Variants in CFAP100 observed in about 807,000 individuals in gnomAD.
CFAP100 encodes the protein cilia- and flagella-associated protein 100.
Under a neutral mutation model 81.5 loss-of-function variants are expected in CFAP100, and 70 were observed. The ratio of observed to expected loss-of-function variants is 0.86; its 90% CI spans 0.71 to 1.05. The LOEUF (loss-of-function observed/expected upper bound fraction) is 1.05. CFAP100 is among the 50% of genes least tolerant of loss of function. The probability of loss-of-function intolerance (pLI) is 0.00; values close to 1 mark genes in which losing one functional copy is unlikely to be tolerated. For synonymous variants in CFAP100, 341 were observed against 314.8 expected (o/e 1.08, Z -0.88); for missense variants, 811 against 776.5 (o/e 1.04, Z -0.53).
At chr3:126,409,079 G>A (rs1260678838) in intron 3 of CFAP100, among the ~76,000 whole-genome samples, 2 of 152,174 alleles carry the variant, frequency 1.3e-5, no homozygotes, top group Non-Finnish European at 2.9e-5. Flanking sequence ...GTGAGCCACT[G>A]CACCTGGCCC....
In CFAP100 at chr3:126,423,533, A is replaced by G; in HGVS notation, c.1175A>G (p.Asp392Gly). 1 of 1,614,146 alleles carries G rather than the reference A, an allele frequency of 6.2e-7. No individual in the cohort carries two copies. Among genetic ancestry groups the G allele is most frequent in the South Asian group, 1.1e-5 (1 of 91,082 alleles). The change falls in exon 13 of 17, where the codon GAT (aspartate) becomes GGT (glycine). Residue 392 changes from aspartate to glycine, a missense_variant. By Grantham distance (94) the Asp-to-Gly change is moderately conservative. Transcript: ENST00000352312. ...LYFTEPQQLL[D>G]VFRELEEQNL... ...TTCACGGAGCCCCAGCAGCTCCTGGATGTCTTCCGAGAGCTGGAGGAGCAG... is the reference window on the plus strand; with the variant it reads ...TTCACGGAGCCCCAGCAGCTCCTGGGTGTCTTCCGAGAGCTGGAGGAGCAG...
At chr3:126,419,919 T>C in intron 9 of CFAP100, 61 bp from the exon 10 acceptor site, 2 of 1,612,328 alleles carry the variant, frequency 1.2e-6, no homozygotes, top group Non-Finnish European at 1.7e-6. Context: ...CTGGGCCACA[T>C]GGCGTTGCTG....
At chr3:126,402,016 C>T (rs1013038433) in intron 2 of CFAP100, among the ~76,000 whole-genome samples, 2 of 152,216 alleles carry the variant, frequency 1.3e-5, no homozygotes, top group Non-Finnish European at 2.9e-5. Flanking sequence ...ATATCTCTCA[C>T]TTCTCTTTAT....
At chr3:126,431,172 G>C (rs1405017801) in intron 13 of CFAP100, among the ~76,000 whole-genome samples, 1 of 152,202 alleles carries the variant, frequency 6.6e-6, no homozygotes, top group Admixed American at 6.5e-5. Context: ...GGTGGGGCCT[G>C]CTGTGGTGGG....
intron 2 of CFAP100, among the ~76,000 whole-genome samples, chr3:126,406,020 T>G (rs913992350): frequency 2.0e-5 from 3 of 152,196 alleles, no homozygotes; most frequent in African/African-American, 7.2e-5. Context: ...ATCTTCTGAT[T>G]TATATGATAT....
intron 13 of CFAP100, among the ~76,000 whole-genome samples, chr3:126,431,662 T>C (rs1319824318): frequency 6.6e-6 from 1 of 152,222 alleles, no homozygotes; most frequent in East Asian, 1.9e-4. Context: ...ATCTTGCTGA[T>C]GCTATTCCTC....
chr3:126,421,835 C>T (rs778666695), intron 11 of CFAP100, among the ~76,000 whole-genome samples: 8 of 152,266 alleles, frequency 5.3e-5, no homozygotes, highest in Non-Finnish European at 1.0e-4. Context: ...TGCTGCGCCA[C>T]GCACAGGCTG....
At position 126,436,381 on chromosome 3, in the gene CFAP100, G is replaced by C. The variant is rs958701340; in HGVS notation, c.1813G>C (p.Glu605Gln). ...CACACTGATGGACAAGGAGGAGGAG[G>C]AGCTGCTATTTTTCTTTACTTAATC... ...EHTLMDKEEE[E>Q]LLFFFT The change falls in exon 17 of 17, where the codon GAG becomes CAG. Residue 605 changes from glutamate to glutamine, a missense_variant. Transcript: ENST00000352312. 13 of 1,613,886 alleles carry C rather than the reference G, an allele frequency of 8.1e-6. No homozygotes were observed. The Middle Eastern group carries it at 5.0e-4, about 61-fold the overall frequency.
chr3:126,434,735 G>A (rs552038456), intron 15 of CFAP100, among the ~76,000 whole-genome samples: 3 of 152,268 alleles, frequency 2.0e-5, no homozygotes, highest in South Asian at 2.1e-4. Context: ...GGGCAAACAC[G>A]GCCAGGTAGG....
Position 126,420,084 on chromosome 3 carries a change from A to C in CFAP100, c.956-19A>C, listed in dbSNP as rs1199420126. ...CTGCCCTGCACAGGGCTCGGAAACTATTCCTCTGCTTTCTCCAGAGGGTCA... is the reference window on the plus strand; with the variant it reads ...CTGCCCTGCACAGGGCTCGGAAACTCTTCCTCTGCTTTCTCCAGAGGGTCA... On this transcript the variant is annotated intron_variant, in intron 10 of 16. Transcript: ENST00000352312. 1.2e-6 allele frequency: 2 copies of C among 1,613,204 alleles called. No individual in the cohort carries two copies. Among genetic ancestry groups the C allele is most frequent in the Admixed American group, 1.7e-5 (1 of 60,006 alleles).
At chr3:126,396,154 G>A (rs2082885093) in intron 2 of CFAP100, 105 bp downstream of exon 2, 4 of 867,784 alleles carry the variant, frequency 4.6e-6, no homozygotes, top group Non-Finnish European at 7.8e-6. Flanking sequence ...CACTAGGCAG[G>A]AGTCATAGAT....
chr3:126,396,818 A>G (rs2082896936), intron 2 of CFAP100: 1 of 152,252 alleles, frequency 6.6e-6, no homozygotes, highest in African/African-American at 2.4e-5. Flanking sequence ...ACACAGGGCG[A>G]CGCTGAGGGA....
intron 4 of CFAP100, among the ~76,000 whole-genome samples, chr3:126,415,199 C>T (rs1389634871): frequency 1.3e-5 from 2 of 152,102 alleles, no homozygotes; most frequent in African/African-American, 2.4e-5. Context: ...CTCTCCACCA[C>T]ACCCAACAGG....
chr3:126,416,247 A>G, intron 4 of CFAP100, 69 bp from the exon 5 acceptor site: 1 of 1,083,242 alleles, frequency 9.2e-7, no homozygotes, highest in Non-Finnish European at 1.3e-6. Flanking sequence ...AGGAATGGGG[A>G]ACCGCGCGGG....
chr3:126,423,411 T>G (rs1473374683), intron 12 of CFAP100, 35 bp downstream of exon 12: 1 of 1,609,176 alleles, frequency 6.2e-7, no homozygotes, highest in East Asian at 2.2e-5. Flanking sequence ...AATTCGGAAG[T>G]CGCCCCTCTC....
At chr3:126,398,724 G>C (rs1485674365) in intron 2 of CFAP100, among the ~76,000 whole-genome samples, 1 of 152,218 alleles carries the variant, frequency 6.6e-6, no homozygotes, top group Non-Finnish European at 1.5e-5. Flanking sequence ...CCGAAGCCTG[G>C]CCTGGTGGCC....
intron 2 of CFAP100, among the ~76,000 whole-genome samples, chr3:126,406,554 T>C (rs2083066976): frequency 6.6e-6 from 1 of 152,200 alleles, no homozygotes; most frequent in South Asian, 2.1e-4. Flanking sequence ...CAGCAAGGCA[T>C]TGGAGACCCA....
chr3:126,400,420 T>C (rs1405390489), intron 2 of CFAP100, among the ~76,000 whole-genome samples: 1 of 152,014 alleles, frequency 6.6e-6, no homozygotes, highest in East Asian at 1.9e-4. Flanking sequence ...CCCTTTTACA[T>C]TGTTGGTGAA....
chr3:126,406,682 C>G (rs1199964700), intron 2 of CFAP100, among the ~76,000 whole-genome samples: 1 of 152,158 alleles, frequency 6.6e-6, no homozygotes, highest in Non-Finnish European at 1.5e-5. Context: ...CAGCACAACC[C>G]CAGTTTTCCA....
Sources: gnomAD v4.1 joint callset for allele counts (sites outside exome capture counted in the v4.1 genomes callset) on GRCh38, gnomAD v4.1.1 for gene constraint, MANE v1.5 for transcripts, NCBI Gene and HGNC (gene_info 2026-07-23, HGNC 2026-07-21) for gene names.